ZNF385D: variants seen among roughly 807,000 people sequenced by gnomAD.
ZNF385D encodes the protein zinc finger protein 659.
A neutral mutation model predicts 35.8 loss-of-function variants in ZNF385D; 15 were observed. The observed-to-expected ratio is 0.42, with a 90% CI of 0.28 to 0.64. The LOEUF is 0.64. ZNF385D is among the 30% of genes least tolerant of loss of function. The pLI is 0.23. For synonymous variants in ZNF385D, 212 were observed against 186.8 expected (o/e 1.13, Z -1.10); for missense variants, 474 against 494.6 (o/e 0.96, Z 0.39).
At chr3:21,471,978 T>C (rs1363474693) in intron 4 of ZNF385D, among the ~76,000 whole-genome samples, 1 of 152,102 alleles carries the variant, frequency 6.6e-6, no homozygotes, top group Non-Finnish European at 1.5e-5. Context: ...AGGGAGAAAA[T>C]TTGTGTTTAT....
At chr3:21,743,425 C>G (rs1472049782) in intron 1 of ZNF385D, among the ~76,000 whole-genome samples, 2 of 152,242 alleles carry the variant, frequency 1.3e-5, no homozygotes, top group Non-Finnish European at 2.9e-5. Flanking sequence ...CTGTCTTAAT[C>G]TGTTCTGGCT....
At chr3:22,071,755 CCAA>C (rs1700237645) in intron 3 of ZNF385D, among the ~76,000 whole-genome samples, 3 of 152,178 alleles carry the variant, frequency 2.0e-5, no homozygotes, top group South Asian at 4.1e-4. Context: ...TCTATGGACA[CCAA>C]CAAGATTAGT....
At chr3:22,217,795 G>T (rs1403773595) in intron 2 of ZNF385D, among the ~76,000 whole-genome samples, 1 of 152,104 alleles carries the variant, frequency 6.6e-6, no homozygotes, top group African/African-American at 2.4e-5. Context: ...TAACTTATGT[G>T]TGGAGATGGG....
intron 2 of ZNF385D, among the ~76,000 whole-genome samples, chr3:22,244,512 C>T (rs1285416235): frequency 6.7e-6 from 1 of 150,372 alleles, no homozygotes; most frequent in African/African-American, 2.5e-5. Context: ...CAGAATGAAA[C>T]CCTTACTACT....
intron 2 of ZNF385D, among the ~76,000 whole-genome samples, chr3:22,173,327 T>G (rs1008975728): frequency 6.6e-6 from 1 of 152,292 alleles, no homozygotes; most frequent in East Asian, 1.9e-4. Context: ...TCATTAATAA[T>G]AATGTATTAT....
chr3:22,006,965 C>T (rs1362470155), intron 3 of ZNF385D, among the ~76,000 whole-genome samples: 1 of 152,024 alleles, frequency 6.6e-6, no homozygotes. Context: ...TTAATATAGA[C>T]ATCAAGGCCT....
intron 4 of ZNF385D, among the ~76,000 whole-genome samples, chr3:21,491,118 A>G (rs1036675729): frequency 1.5e-5 from 2 of 136,100 alleles, no homozygotes; most frequent in African/African-American, 5.6e-5. Flanking sequence ...CTTAGTAGAG[A>G]AAACTGAAAT....
chr3:22,372,477 C>T (rs1462983673), exon 2 of ZNF385D: 2 of 985,920 alleles, frequency 2.0e-6, no homozygotes, highest in Non-Finnish European at 2.4e-6. Flanking sequence ...TTCGGCGCCC[C>T]CAGGAGCTTT....
At chr3:21,801,886 G>A (rs927727122) in intron 3 of ZNF385D, among the ~76,000 whole-genome samples, 2 of 152,122 alleles carry the variant, frequency 1.3e-5, no homozygotes, top group African/African-American at 4.8e-5. Flanking sequence ...GTATATTCCA[G>A]AAATTACTGA....
intron 3 of ZNF385D, among the ~76,000 whole-genome samples, chr3:21,788,369 T>G (rs1334238552): frequency 6.6e-6 from 1 of 152,030 alleles, no homozygotes; most frequent in East Asian, 1.9e-4. Context: ...TCCCAGCTAC[T>G]TGGGGGGCTG....
chr3:21,978,409 T>C (rs1202006028), intron 3 of ZNF385D: 1 of 152,248 alleles, frequency 6.6e-6, no homozygotes, highest in Non-Finnish European at 1.5e-5. Flanking sequence ...CCTTTGCTTT[T>C]TAATTTATTT....
chr3:21,891,753 G>A (rs1043273475), intron 3 of ZNF385D, among the ~76,000 whole-genome samples: 1 of 152,180 alleles, frequency 6.6e-6, no homozygotes, highest in Non-Finnish European at 1.5e-5. Flanking sequence ...AATTAATGAG[G>A]TGGTAGTCTA....
chr3:21,949,649 T>G (rs1174188086), intron 3 of ZNF385D, among the ~76,000 whole-genome samples: 2 of 151,578 alleles, frequency 1.3e-5, no homozygotes, highest in African/African-American at 4.9e-5. Context: ...TGTGGTTTGC[T>G]GCACCCATCA....
chr3:21,798,785 C>A (rs2072268084), intron 3 of ZNF385D, among the ~76,000 whole-genome samples: 1 of 152,080 alleles, frequency 6.6e-6, no homozygotes, highest in East Asian at 1.9e-4. Context: ...CTTTAGAATT[C>A]TCAGTGATAC....
chr3:22,000,504 T>A (rs1695771663), intron 3 of ZNF385D, among the ~76,000 whole-genome samples: 1 of 152,106 alleles, frequency 6.6e-6, no homozygotes, highest in Non-Finnish European at 1.5e-5. Flanking sequence ...AGAAATAATA[T>A]GCCCATAAAA....
At chr3:22,011,987 T>C (rs1392021739) in intron 3 of ZNF385D, among the ~76,000 whole-genome samples, 3 of 152,306 alleles carry the variant, frequency 2.0e-5, no homozygotes, top group South Asian at 2.1e-4. Context: ...CTTTCAAGTA[T>C]TGTGTTTCTA....
At chr3:22,002,720 C>G (rs1313138836) in intron 3 of ZNF385D, among the ~76,000 whole-genome samples, 1 of 152,082 alleles carries the variant, frequency 6.6e-6, no homozygotes, top group African/African-American at 2.4e-5. Flanking sequence ...AATTCAACAA[C>G]ACTTCAAAAG....
At chr3:22,064,222 A>T (rs1308750291) in intron 3 of ZNF385D, among the ~76,000 whole-genome samples, 2 of 152,212 alleles carry the variant, frequency 1.3e-5, no homozygotes. Flanking sequence ...TGCTCAGGCA[A>T]TACAGGGGTA....
intron 3 of ZNF385D, among the ~76,000 whole-genome samples, chr3:21,937,811 T>G (rs1433729083): frequency 6.6e-6 from 1 of 152,234 alleles, no homozygotes; most frequent in Non-Finnish European, 1.5e-5. Flanking sequence ...AACCCAATGC[T>G]TGCTTTAAAT....
Sources: allele counts gnomAD v4.1 joint callset (sites outside exome capture counted in the v4.1 genomes callset), GRCh38; gene constraint gnomAD v4.1.1; transcripts MANE v1.5; gene names NCBI Gene and HGNC (gene_info 2026-07-23, HGNC 2026-07-21).